ARHGAP32: variants seen among roughly 807,000 people sequenced by gnomAD.
ARHGAP32 encodes the protein rho GTPase-activating protein 32.
Under a neutral mutation model 186.5 loss-of-function variants are expected in ARHGAP32, and 51 were observed. The ratio of observed to expected loss-of-function variants is 0.27; its 90% CI spans 0.22 to 0.35. ARHGAP32 has a LOEUF of 0.35. ARHGAP32 is among the 10% of genes least tolerant of loss of function. ARHGAP32 has a pLI of 1.00. For missense variants in ARHGAP32, 2,186 were observed against 2,623.5 expected (o/e 0.83, Z 3.64); for synonymous variants, 950 against 964.3 (o/e 0.99, Z 0.27).
At chr11:129,081,748 T>TAGAACTATCAGACA in intron 6 of ARHGAP32, among the ~76,000 whole-genome samples, 1 of 151,664 alleles carries the variant, frequency 6.6e-6, no homozygotes, top group East Asian at 1.9e-4. Context: ...AAGTCCTAGC[T>TAGAACTATCAGACA]AGAACTATCA....
rs540766639 is a variant in ARHGAP32, at chr11:129,124,867, G to A, written c.253C>T (p.Pro85Ser). 15 of 1,610,718 alleles carry A rather than the reference G, an allele frequency of 9.3e-6. No homozygotes were observed. In the South Asian group the frequency reaches 1.2e-4, roughly 13 times the overall value. Residue 85 changes from proline (P) to serine (S), a missense_variant, in exon 3 of 23, where the codon CCT becomes TCT. Around this residue, in one of 5 missense-constraint regions of ARHGAP32, gnomAD observed 108 missense variants for 116.8 expected, o/e 0.92. Transcript: ENST00000682385. ...CACGTCTTAAGAGTAAGATCTCCAG[G>A]AATCTCTGGAACATCTGCGCCTCTT... ...MARGADVPEI[P>S]GDLTLKTCGS...
chr11:129,268,516 G>A (rs545121050), intron 1 of ARHGAP32, among the ~76,000 whole-genome samples: 85 of 151,844 alleles, frequency 5.6e-4, no homozygotes, highest in African/African-American at 1.9e-3. Flanking sequence ...ATTCCCTGGG[G>A]GCCTATATAG....
At chr11:129,278,839 T>C (rs1945569751) in intron 1 of ARHGAP32, among the ~76,000 whole-genome samples, 1 of 150,360 alleles carries the variant, frequency 6.7e-6, no homozygotes, top group African/African-American at 2.4e-5. Flanking sequence ...CCGCCCGCCT[T>C]GGGCCCGGGG....
At chr11:129,007,423 G>A (rs989117967) in intron 11 of ARHGAP32, among the ~76,000 whole-genome samples, 2 of 151,934 alleles carry the variant, frequency 1.3e-5, no homozygotes, top group African/African-American at 4.8e-5. Flanking sequence ...GGGCTTGTTA[G>A]TCTGCAGGTG....
intron 15 of ARHGAP32, 149 bp downstream of exon 15, chr11:128,985,854 G>GTATATATATATATATA (rs1376611507): frequency 6.7e-5 from 8 of 119,654 alleles, no homozygotes; most frequent in African/African-American, 2.2e-4. Flanking sequence ...GTGTGTGTGT[G>GTATATATATATATATA]TGTGTATATA....
upstream of ARHGAP32, among the ~76,000 whole-genome samples, chr11:129,195,637 G>A (rs994962878): frequency 1.3e-5 from 2 of 152,220 alleles, no homozygotes; most frequent in Middle Eastern, 3.4e-3. Flanking sequence ...TGATCCACCC[G>A]CCTCGGCTGG....
At chr11:129,028,832 T>A (rs1224768441) in intron 11 of ARHGAP32, among the ~76,000 whole-genome samples, 2 of 152,062 alleles carry the variant, frequency 1.3e-5, no homozygotes, top group African/African-American at 4.8e-5. Flanking sequence ...TAAGCAGGAT[T>A]TCAACTGGCC....
intron 1 of ARHGAP32, among the ~76,000 whole-genome samples, chr11:129,215,059 C>A (rs4573691): frequency 0.31 from 47,752 of 151,984 alleles, 7,793 homozygotes; most frequent in African/African-American, 0.36. Context: ...GAGCCACATC[C>A]TCTACTCAGG....
At chr11:129,046,377 G>T (rs1474572079) in intron 10 of ARHGAP32, among the ~76,000 whole-genome samples, 1 of 144,840 alleles carries the variant, frequency 6.9e-6, no homozygotes, top group Non-Finnish European at 1.5e-5. Flanking sequence ...TTTAACAACT[G>T]TCCTACAAAA....
At chr11:129,200,018 AT>A (rs1944439324) in intron 1 of ARHGAP32, among the ~76,000 whole-genome samples, 1 of 152,164 alleles carries the variant, frequency 6.6e-6, no homozygotes, top group African/African-American at 2.4e-5. Context: ...GCCCCACTGG[AT>A]TTTGGACTTA....
In ARHGAP32 at chr11:128,986,672, A is replaced by G. The variant is rs1413805646; in HGVS notation, c.1299-4T>C. On this transcript the variant is annotated splice_polypyrimidine_tract_variant and splice_region_variant and intron_variant, in intron 13 of 22. Coordinates refer to ENST00000682385, the MANE Select transcript of ARHGAP32 (RefSeq NM_001378024.1). ...GTGCTCAGAGTCAAATTCATGGCTG[A>G]CGTAGACAGAAGAGGACAAGCAAAT... The G allele has an allele frequency of 6.2e-7, 1 of 1,613,650 alleles. No homozygotes were observed. Among genetic ancestry groups the G allele is most frequent in the Non-Finnish European group, 8.5e-7 (1 of 1,179,676 alleles).
intron 1 of ARHGAP32, among the ~76,000 whole-genome samples, chr11:129,262,597 A>G (rs2135712363): frequency 6.6e-6 from 1 of 151,952 alleles, no homozygotes; most frequent in East Asian, 1.9e-4. Context: ...GGGGTTTCAC[A>G]TGTCGGCCAA....
intron 1 of ARHGAP32, among the ~76,000 whole-genome samples, chr11:129,259,511 C>T (rs745535735): frequency 5.0e-4 from 76 of 151,720 alleles, no homozygotes; most frequent in Non-Finnish European, 1.0e-3. Flanking sequence ...TTACTTCACT[C>T]ATTCATTTGA....
At position 129,015,758 on chromosome 11, in the gene ARHGAP32, A is replaced by G. The variant is rs375815636; in HGVS notation, c.1046-17290T>C. Among the ~76,000 whole-genome samples the G allele has an allele frequency of 6.5e-4, 99 of 152,316 alleles. 1 individual carries two copies. In the South Asian group the frequency reaches 0.02, roughly 31 times the overall value. On this transcript the variant is annotated intron_variant, in intron 11 of 22. Transcript: ENST00000682385. Reference sequence around the variant, plus strand: ...ACTTGTGGTTCAGTATATCACTTAAACTACATTACAATATTCTCTTTTAAG... The same window carrying G: ...ACTTGTGGTTCAGTATATCACTTAAGCTACATTACAATATTCTCTTTTAAG...
chr11:129,271,179 T>C (rs940195517), intron 1 of ARHGAP32, among the ~76,000 whole-genome samples: 2 of 152,032 alleles, frequency 1.3e-5, no homozygotes, highest in Non-Finnish European at 2.9e-5. Flanking sequence ...CCGTGTATGG[T>C]AAGAATGAGG....
chr11:129,173,245 C>A (rs1474317391), intron 1 of ARHGAP32, among the ~76,000 whole-genome samples: 2 of 151,728 alleles, frequency 1.3e-5, no homozygotes, highest in Non-Finnish European at 2.9e-5. Context: ...ATACACCCTA[C>A]CAAGACTAAA....
chr11:129,005,928 C>T (rs755440939), intron 11 of ARHGAP32, among the ~76,000 whole-genome samples: 25 of 152,026 alleles, frequency 1.6e-4, no homozygotes, highest in Non-Finnish European at 2.4e-4. Flanking sequence ...ATGCTTAATT[C>T]GTTTTCCTTT....
In ARHGAP32 at chr11:128,986,503, T is replaced by A. The variant is rs776904852; in HGVS notation, c.1443+21A>T. ...AGCAAAGTTCCACAAAGAATTAGAT[T>A]CAAAAGTAGCCTGTACTCACAGAAA... is the stretch of plus-strand genomic sequence containing the variant. On this transcript the variant is annotated intron_variant, in intron 14 of 22. Coordinates refer to ENST00000682385, the MANE Select transcript of ARHGAP32 (RefSeq NM_001378024.1). 1.9e-6 allele frequency: 3 copies of A among 1,612,774 alleles called. No homozygotes were observed. The South Asian group carries it at 3.3e-5, about 18-fold the overall frequency.
intron 11 of ARHGAP32, among the ~76,000 whole-genome samples, chr11:129,015,621 T>C (rs751278696): frequency 7.2e-5 from 11 of 152,184 alleles, no homozygotes; most frequent in Admixed American, 2.6e-4. Context: ...TAACGACATG[T>C]GTATGTAGCC....
Sources: allele counts gnomAD v4.1 joint callset (sites outside exome capture counted in the v4.1 genomes callset), GRCh38; gene constraint gnomAD v4.1.1; regional missense constraint gnomAD v4.1.1; transcripts MANE v1.5; gene names NCBI Gene and HGNC (gene_info 2026-07-23, HGNC 2026-07-21).